The following RABL3 variants were observed in gnomAD, a reference collection of about 807,000 sequenced individuals.
The protein encoded by RABL3 is RAB, member of RAS oncogene family like 3, also known as rab-like protein 3.
In RABL3, 31 loss-of-function variants were observed where a neutral mutation model predicts 31.8. That is an observed-to-expected ratio of 0.97 (90% CI 0.73 to 1.31). The LOEUF (loss-of-function observed/expected upper bound fraction) is 1.31. RABL3 is among the 40% of genes most tolerant of loss of function. The pLI is 0.00. For missense variants in RABL3, 263 were observed against 279.6 expected (o/e 0.94, Z 0.42); for synonymous variants, 97 against 99.9 (o/e 0.97, Z 0.18).
chr3:120,698,359 AAT>A (rs1387522779), intron 5 of RABL3, 62 bp downstream of exon 5: 24 of 1,406,848 alleles, frequency 1.7e-5, no homozygotes, highest in East Asian at 1.1e-4. Flanking sequence ...ATATTATTTG[AAT>A]ATGTCTTCAG....
chr3:120,733,267 A>C (rs900759693), intron 1 of RABL3, among the ~76,000 whole-genome samples: 3 of 152,190 alleles, frequency 2.0e-5, no homozygotes, highest in Non-Finnish European at 2.9e-5. Context: ...AACTGGAGTG[A>C]AATGGTACCT....
In RABL3 at chr3:120,698,581, AAAT is replaced by A. The variant is rs1307076728; in HGVS notation, c.384-11_384-9del. The A allele has an allele frequency of 6.2e-7, 1 of 1,603,972 alleles. No individual in the cohort carries two copies. Among genetic ancestry groups the A allele is most frequent in the Non-Finnish European group, 8.5e-7 (1 of 1,173,264 alleles). On this transcript the variant is annotated splice_polypyrimidine_tract_variant and intron_variant, in intron 4 of 7. Coordinates refer to ENST00000273375, the MANE Select transcript of RABL3 (RefSeq NM_173825.5). ...TGTTCTTGATCATAATCCCTGTGAT[AAAT>A]AATAATGAAGAGGTGAATAGAATGT...
chr3:120,731,386 C>T (rs1483540568), intron 1 of RABL3, among the ~76,000 whole-genome samples: 1 of 152,120 alleles, frequency 6.6e-6, no homozygotes, highest in Non-Finnish European at 1.5e-5. Flanking sequence ...TTAAAAAAAG[C>T]AGCCAACCAC....
intron 2 of RABL3, among the ~76,000 whole-genome samples, chr3:120,717,415 G>A (rs564950754): frequency 6.6e-6 from 1 of 152,036 alleles, no homozygotes; most frequent in Admixed American, 6.6e-5. Flanking sequence ...GAATCAATTA[G>A]TGCCACACTC....
intron 4 of RABL3, among the ~76,000 whole-genome samples, chr3:120,705,760 G>A (rs1708540995): frequency 6.6e-6 from 1 of 152,010 alleles, no homozygotes; most frequent in Non-Finnish European, 1.5e-5. Flanking sequence ...CATCATCTAG[G>A]ATTAGGCAAA....
chr3:120,696,592 AACACACACAC>A (rs3037698), intron 5 of RABL3, among the ~76,000 whole-genome samples: 36 of 147,530 alleles, frequency 2.4e-4, no homozygotes, highest in Admixed American at 8.8e-4. Context: ...AAGTAGGAAT[AACACACACAC>A]ACACACACAC....
At chr3:120,700,650 T>C (rs1368214896) in intron 4 of RABL3, among the ~76,000 whole-genome samples, 1 of 152,122 alleles carries the variant, frequency 6.6e-6, no homozygotes, top group East Asian at 1.9e-4. Flanking sequence ...GATAATTATA[T>C]GGTGTCATGT....
At chr3:120,718,900 A>T (rs1708702454) in intron 2 of RABL3, among the ~76,000 whole-genome samples, 1 of 152,244 alleles carries the variant, frequency 6.6e-6, no homozygotes, top group African/African-American at 2.4e-5. Flanking sequence ...CAAAATGTTA[A>T]ATCCTTTAGG....
chr3:120,698,386 G>T, intron 5 of RABL3, 37 bp downstream of exon 5: 1 of 1,567,776 alleles, frequency 6.4e-7, no homozygotes, highest in Non-Finnish European at 8.7e-7. Flanking sequence ...GTCTTTACCC[G>T]ATAATAATAC....
intron 5 of RABL3, among the ~76,000 whole-genome samples, chr3:120,694,573 A>C (rs1003250378): frequency 6.6e-6 from 1 of 152,138 alleles, no homozygotes; most frequent in Non-Finnish European, 1.5e-5. Context: ...CCAGAGAGAG[A>C]GAGCCATGAA....
rs192551996 is a variant in RABL3 at position 120,704,980 on chromosome 3, C to T, written c.383+1020G>A. On this transcript the variant is annotated intron_variant, in intron 4 of 7. Coordinates refer to ENST00000273375, the MANE Select transcript of RABL3 (RefSeq NM_173825.5). ...GACAGAGGTTGCAGTGAACTGAGAT[C>T]GTGCTACTGCACTCCAGCCTGGCAA... Among the ~76,000 whole-genome samples, 20 of 152,206 alleles carry T rather than the reference C, an allele frequency of 1.3e-4. No homozygotes were observed. In the East Asian group the frequency reaches 1.9e-3, roughly 15 times the overall value.
Position 120,686,003 on chromosome 3 carries a change from T to TA in RABL3, c.*3819dup, listed in dbSNP as rs1207034062. ...CCTTAATGGAGGTGCAGATTAATTG[T>TA]AACTGGATGTCCAATTCCTTTACTA... is the stretch of plus-strand genomic sequence containing the variant. On this transcript the variant is annotated 3_prime_UTR_variant, in exon 8 of 8. Transcript: ENST00000273375. Among the ~76,000 whole-genome samples the TA allele has an allele frequency of 2.0e-5, 3 of 152,228 alleles. No homozygotes were observed. Among genetic ancestry groups the TA allele is most frequent in the Admixed American group, 6.5e-5 (1 of 15,286 alleles).
chr3:120,687,464 AT>A lies in RABL3; in HGVS notation c.*2358del, dbSNP rs1045262553. 3 of 152,174 alleles carry A rather than the reference AT, an allele frequency of 2.0e-5. No individual in the cohort carries two copies. Among genetic ancestry groups the A allele is most frequent in the African/African-American group, 7.2e-5 (3 of 41,444 alleles). The allele number at this position is 152,174 out of a possible 1,614,324, so 9.4% of individuals were successfully genotyped here. A position where few individuals can be genotyped will look rare whatever the true frequency, so the allele number is the denominator to read the frequency against. ...CCTGGCCAATTATACTTTTAAAAAA[AT>A]ATTTTGACATTTATACTTGTTTATT... is the stretch of plus-strand genomic sequence containing the variant. On this transcript the variant is annotated 3_prime_UTR_variant, in exon 8 of 8. Transcript: ENST00000273375.
chr3:120,727,578 A>G (rs1421933278), intron 2 of RABL3, among the ~76,000 whole-genome samples: 3 of 152,194 alleles, frequency 2.0e-5, no homozygotes, highest in Non-Finnish European at 4.4e-5. Flanking sequence ...ACAGAAATTA[A>G]TACTTCCCAA....
chr3:120,722,853 C>T (rs1708764840), intron 2 of RABL3, among the ~76,000 whole-genome samples: 1 of 151,926 alleles, frequency 6.6e-6, no homozygotes, highest in Admixed American at 6.6e-5. Context: ...CAGGAAAGAT[C>T]TAAAATTGAC....
At chr3:120,696,592 AACACACAC>A (rs3037698) in intron 5 of RABL3, among the ~76,000 whole-genome samples, 5,601 of 147,022 alleles carry the variant, frequency 0.038, 123 homozygotes, top group African/African-American at 0.054. Flanking sequence ...AAGTAGGAAT[AACACACAC>A]ACACACACAC....
At chr3:120,698,071 T>C (rs972135482) in intron 5 of RABL3, among the ~76,000 whole-genome samples, 1 of 152,122 alleles carries the variant, frequency 6.6e-6, no homozygotes, top group African/African-American at 2.4e-5. Context: ...GGCCTAAGCA[T>C]GAGAATCGCT....
intron 1 of RABL3, among the ~76,000 whole-genome samples, chr3:120,733,356 G>A (rs983527235): frequency 5.9e-5 from 9 of 152,070 alleles, no homozygotes; most frequent in Non-Finnish European, 1.0e-4. Context: ...CTGCATAAAT[G>A]TCTTCTTTTG....
chr3:120,726,873 T>C (rs989975359), intron 2 of RABL3, among the ~76,000 whole-genome samples: 5 of 151,970 alleles, frequency 3.3e-5, no homozygotes, highest in Admixed American at 3.3e-4. Flanking sequence ...GAAAGATAAC[T>C]GAAATCAATC....
Sources: allele counts gnomAD v4.1 joint callset (sites outside exome capture counted in the v4.1 genomes callset), GRCh38; gene constraint gnomAD v4.1.1; transcripts MANE v1.5; gene names NCBI Gene and HGNC (gene_info 2026-07-23, HGNC 2026-07-21).